The following BMPER variants were observed in gnomAD, a reference collection of about 807,000 sequenced individuals.
The protein encoded by BMPER is BMP binding endothelial regulator.
BMPER carries 45 observed loss-of-function variants against 87.3 expected under a neutral mutation model. That is an observed-to-expected ratio of 0.52 (90% CI 0.41 to 0.66). BMPER has a LOEUF of 0.66. BMPER is among the 30% of genes least tolerant of loss of function. The pLI is 0.00. For synonymous variants in BMPER, 326 were observed against 316.2 expected, an observed-to-expected ratio of 1.03 and a Z score of -0.33; for missense variants, 784 against 867.5, an observed-to-expected ratio of 0.90 and a Z score of 1.21.
At chr7:34,134,654 C>T in intron 13 of BMPER, among the ~76,000 whole-genome samples, 1 of 152,008 alleles carries the variant, frequency 6.6e-6, no homozygotes, top group East Asian at 1.9e-4. Flanking sequence ...AAGATGTGGC[C>T]CCTGGGTATA....
intron 14 of BMPER, among the ~76,000 whole-genome samples, 193 bp from the exon 15 acceptor site, chr7:34,152,899 T>TAC (rs1791213860): frequency 1.3e-5 from 2 of 152,210 alleles, no homozygotes; most frequent in African/African-American, 2.4e-5. Flanking sequence ...CATTTGTTTT[T>TAC]ATAGATGTAG....
chr7:33,959,456 C>G (rs1033284943), intron 3 of BMPER, among the ~76,000 whole-genome samples: 2 of 152,100 alleles, frequency 1.3e-5, no homozygotes, highest in African/African-American at 4.8e-5. Context: ...ATGAGCTCAA[C>G]TTAGTTCTTC....
At chr7:34,001,027 G>T (rs560087521) in intron 6 of BMPER, among the ~76,000 whole-genome samples, 1 of 151,666 alleles carries the variant, frequency 6.6e-6, no homozygotes, top group Non-Finnish European at 1.5e-5. Flanking sequence ...ACATTTCTGC[G>T]ATAACTCTCA....
intron 13 of BMPER, among the ~76,000 whole-genome samples, chr7:34,094,533 G>A (rs1033392916): frequency 6.6e-6 from 1 of 152,250 alleles, no homozygotes; most frequent in African/African-American, 2.4e-5. Flanking sequence ...TTTGAAGGCC[G>A]CCATGACTGC....
intron 13 of BMPER, among the ~76,000 whole-genome samples, chr7:34,126,612 C>T (rs1473610122): frequency 6.6e-6 from 1 of 152,176 alleles, no homozygotes; most frequent in Non-Finnish European, 1.5e-5. Flanking sequence ...GAAATTACAA[C>T]TTTTCCTATT....
chr7:34,131,175 G>A (rs1048900556), intron 13 of BMPER, among the ~76,000 whole-genome samples: 7 of 152,092 alleles, frequency 4.6e-5, no homozygotes, highest in East Asian at 1.9e-4. Flanking sequence ...TGGTCATGGA[G>A]TCCTTTTTCT....
chr7:33,967,042 C>T (rs1785423933), intron 4 of BMPER, among the ~76,000 whole-genome samples: 1 of 151,998 alleles, frequency 6.6e-6, no homozygotes. Context: ...ATTAAAAAAC[C>T]ACCAATTCAG....
chr7:33,992,907 G>A (rs1301423354), intron 6 of BMPER, among the ~76,000 whole-genome samples: 1 of 139,870 alleles, frequency 7.1e-6, no homozygotes, highest in African/African-American at 2.7e-5. Flanking sequence ...GAAATTCTGG[G>A]TTGAAAATTC....
intron 3 of BMPER, among the ~76,000 whole-genome samples, chr7:33,961,632 AG>A (rs1369158128): frequency 6.6e-6 from 1 of 152,206 alleles, no homozygotes. Flanking sequence ...GCACTGAAGA[AG>A]GAAAGCCCGG....
chr7:33,944,561 A>T (rs1293444809), intron 3 of BMPER, among the ~76,000 whole-genome samples: 1 of 152,164 alleles, frequency 6.6e-6, no homozygotes, highest in Non-Finnish European at 1.5e-5. Flanking sequence ...GAAATTATTA[A>T]TTTTTTTGTT....
intron 6 of BMPER, 55 bp downstream of exon 6, chr7:33,974,839 A>G (rs1785644442): frequency 3.9e-6 from 6 of 1,543,758 alleles, no homozygotes; most frequent in Non-Finnish European, 5.4e-6. Flanking sequence ...CACTTCTTGT[A>G]CTCACCAAGA....
In BMPER at chr7:34,017,941, T is replaced by G. The variant is rs533764557; in HGVS notation, c.577-28365T>G. 9.4e-5 allele frequency among the ~76,000 whole-genome samples: 13 copies of G among 138,840 alleles called. No individual in the cohort carries two copies. The East Asian group carries it at 2.8e-3, about 30-fold the overall frequency. The allele number at this position is 138,840 out of a possible 152,430, so 91.1% of individuals were successfully genotyped here. A position where few individuals can be genotyped will look rare whatever the true frequency, so the allele number is the denominator to read the frequency against. ...ATCCCAGGCTCCTCTGTGTGGTGCC[T>G]CCACCAAAAATACTTAAACTTGTCC... is the stretch of plus-strand genomic sequence containing the variant. On this transcript the variant is annotated intron_variant, in intron 6 of 14. Transcript: ENST00000649409.
chr7:33,988,820 G>T (rs2127923686), intron 6 of BMPER, among the ~76,000 whole-genome samples: 1 of 119,764 alleles, frequency 8.3e-6, no homozygotes, highest in Non-Finnish European at 1.6e-5. Flanking sequence ...CTGTGTCCAT[G>T]TGATCTCATT....
At chr7:34,129,624 G>A (rs1299143057) in intron 13 of BMPER, among the ~76,000 whole-genome samples, 3 of 141,108 alleles carry the variant, frequency 2.1e-5, no homozygotes, top group Non-Finnish European at 3.1e-5. Flanking sequence ...GAGAGAGAGA[G>A]AAAGAGAGAA....
upstream of BMPER, chr7:33,905,433 G>C: frequency 1.0e-4 from 2 of 19,820 alleles, no homozygotes; most frequent in Non-Finnish European, 1.9e-4. Flanking sequence ...CCACACCTTG[G>C]TCTCTCCCCC....
At chr7:34,106,426 A>T (rs748986197) in intron 13 of BMPER, among the ~76,000 whole-genome samples, 2 of 152,132 alleles carry the variant, frequency 1.3e-5, no homozygotes, top group African/African-American at 4.8e-5. Context: ...TGGTTGTTCA[A>T]CCCCAATGAG....
chr7:34,013,860 C>T (rs1167696829), intron 6 of BMPER, among the ~76,000 whole-genome samples: 3 of 151,960 alleles, frequency 2.0e-5, no homozygotes, highest in African/African-American at 7.2e-5. Flanking sequence ...ACTGAAACTG[C>T]TATGAACTTT....
intron 6 of BMPER, among the ~76,000 whole-genome samples, chr7:33,995,731 T>C (rs1427346171): frequency 6.6e-6 from 1 of 152,194 alleles, no homozygotes; most frequent in African/African-American, 2.4e-5. Context: ...TGTTAATCCT[T>C]GTTGCTTCCC....
intron 6 of BMPER, among the ~76,000 whole-genome samples, chr7:34,040,889 A>C (rs190324147): frequency 2.0e-5 from 3 of 151,514 alleles, no homozygotes; most frequent in Non-Finnish European, 4.4e-5. Context: ...CCCTGGAGGC[A>C]AAAGGTGATG....
Sources: allele counts gnomAD v4.1 joint callset (sites outside exome capture counted in the v4.1 genomes callset), GRCh38; gene constraint gnomAD v4.1.1; transcripts MANE v1.5; gene names NCBI Gene and HGNC (gene_info 2026-07-23, HGNC 2026-07-21).